YAE1: variants seen among roughly 807,000 people sequenced by gnomAD.
YAE1 encodes YAE1 maturation factor of ABCE1.
YAE1 carries 22 observed loss-of-function variants against 23.0 expected under a neutral mutation model. That is an observed-to-expected ratio of 0.96 (90% CI 0.68 to 1.37). The LOEUF is 1.37. Among genes scored for constraint, YAE1 ranks in the 40% most tolerant of loss-of-function variants. YAE1 has a pLI of 0.00. For synonymous variants in YAE1, 101 were observed against 97.0 expected (o/e 1.04, Z -0.24); for missense variants, 260 against 262.1 (o/e 0.99, Z 0.06).
At chr7:39,588,515 A>G (rs1306795702) in intron 2 of YAE1, among the ~76,000 whole-genome samples, 1 of 151,862 alleles carries the variant, frequency 6.6e-6, no homozygotes, top group East Asian at 1.9e-4. Context: ...AAAAAAAAAA[A>G]AAAGAATAAC....
chr7:39,597,671 G>A lies in YAE1; in HGVS notation c.252-11946G>A, dbSNP rs145089890. On this transcript the variant is annotated intron_variant, in intron 2 of 2. Coordinates refer to the YAE1 transcript ENST00000432096. The stretch of plus-strand genomic sequence containing the variant: ...GTTAGCAGCAGGGCCGAGAAGCTGG[G>A]TTTTTAATAGTAGCGGTAGTGGTGG... Among the ~76,000 whole-genome samples the A allele has an allele frequency of 3.0e-3, 451 of 152,300 alleles. 6 individuals carry two copies. The highest frequency in any genetic ancestry group is 0.01 in the African/African-American group (431 of 41,554).
chr7:39,581,727 CG>C (rs200683796), intron 2 of YAE1, among the ~76,000 whole-genome samples: 3,910 of 151,780 alleles, frequency 0.026, 87 homozygotes, highest in Middle Eastern at 0.066. Context: ...CAAAATCAAC[CG>C]GGCATGGTAG....
chr7:39,584,852 C>T (rs1790793006), intron 2 of YAE1, among the ~76,000 whole-genome samples: 1 of 151,994 alleles, frequency 6.6e-6, no homozygotes, highest in Non-Finnish European at 1.5e-5. Context: ...GACCCCATCT[C>T]AACAACAACA....
intron 1 of YAE1, among the ~76,000 whole-genome samples, chr7:39,567,682 G>T (rs929684367): frequency 1.3e-5 from 2 of 151,936 alleles, no homozygotes; most frequent in East Asian, 1.9e-4. Context: ...TTTTTCTAAG[G>T]CATCACAGGT....
At chr7:39,598,171 A>G (rs1204884623) in intron 2 of YAE1, among the ~76,000 whole-genome samples, 2 of 151,838 alleles carry the variant, frequency 1.3e-5, no homozygotes, top group African/African-American at 2.4e-5. Context: ...GTACAGTGGC[A>G]CGATCTTAGC....
chr7:39,592,412 T>C (rs915008999), intron 2 of YAE1, among the ~76,000 whole-genome samples: 1 of 152,216 alleles, frequency 6.6e-6, no homozygotes, highest in South Asian at 2.1e-4. Flanking sequence ...TTTTGCTATA[T>C]GTAAAATGTG....
downstream of YAE1, among the ~76,000 whole-genome samples, chr7:39,610,768 T>C (rs10486797): frequency 9.7e-3 from 1,479 of 152,348 alleles, 40 homozygotes; most frequent in Admixed American, 0.06. Flanking sequence ...TTTGTGACTA[T>C]ATAAATTGTA....
chr7:39,580,382 T>G (rs566814664), intron 2 of YAE1, among the ~76,000 whole-genome samples: 1 of 152,372 alleles, frequency 6.6e-6, no homozygotes, highest in South Asian at 2.1e-4. Context: ...CCAAGAGTCC[T>G]CAGTGTGTAA....
At chr7:39,600,677 G>A (rs1303858109) in intron 2 of YAE1, among the ~76,000 whole-genome samples, 1 of 152,212 alleles carries the variant, frequency 6.6e-6, no homozygotes, top group Non-Finnish European at 1.5e-5. Context: ...GATTACAGGT[G>A]TGAGCCACCG....
chr7:39,588,391 A>T (rs1219419444), intron 2 of YAE1, among the ~76,000 whole-genome samples: 1 of 152,014 alleles, frequency 6.6e-6, no homozygotes, highest in Non-Finnish European at 1.5e-5. Context: ...GTGTGCCTGT[A>T]ATCCCAGCTA....
intron 2 of YAE1, among the ~76,000 whole-genome samples, chr7:39,599,532 G>A (rs556745730): frequency 9.2e-5 from 14 of 151,804 alleles, no homozygotes; most frequent in African/African-American, 2.9e-4. Flanking sequence ...GTGCCACCAC[G>A]CCTGGCCAGT....
At chr7:39,601,117 A>T (rs185460299) in intron 2 of YAE1, among the ~76,000 whole-genome samples, 6 of 152,332 alleles carry the variant, frequency 3.9e-5, no homozygotes, top group Non-Finnish European at 7.4e-5. Context: ...TTCAAACCAA[A>T]CAAAAGCAAG....
chr7:39,598,784 C>CAAAAAAAAA (rs60563799), intron 2 of YAE1, among the ~76,000 whole-genome samples: 1 of 77,216 alleles, frequency 1.3e-5, no homozygotes. Flanking sequence ...GGTCCTGTCT[C>CAAAAAAAAA]AAAAAAAAAA....
intron 1 of YAE1, among the ~76,000 whole-genome samples, chr7:39,568,615 A>G (rs1790513714): frequency 6.6e-6 from 1 of 152,228 alleles, no homozygotes; most frequent in South Asian, 2.1e-4. Flanking sequence ...CTCTCAGTAA[A>G]CTTCAGTTTG....
chr7:39,590,025 G>A lies in YAE1; in HGVS notation c.251+19398G>A, dbSNP rs1393347800. 2.0e-5 allele frequency among the ~76,000 whole-genome samples: 3 copies of A among 152,198 alleles called. 1 individual carries two copies. Among genetic ancestry groups the A allele is most frequent in the South Asian group, 4.1e-4 (2 of 4,828 alleles). On this transcript the variant is annotated intron_variant, in intron 2 of 2. Coordinates refer to the YAE1 transcript ENST00000432096. The stretch of plus-strand genomic sequence containing the variant: ...ATATGTACGTGTTATGGTTTACAGT[G>A]TGTGATTGCAGAAATAGCAAAATAC...
At chr7:39,590,130 C>T (rs905959231) in intron 2 of YAE1, among the ~76,000 whole-genome samples, 4 of 152,076 alleles carry the variant, frequency 2.6e-5, no homozygotes, top group African/African-American at 7.2e-5. Context: ...TAAGTCATTA[C>T]TGAATGCATG....
chr7:39,605,409 A>C (rs1035891131), intron 2 of YAE1, among the ~76,000 whole-genome samples: 2 of 152,242 alleles, frequency 1.3e-5, no homozygotes, highest in Admixed American at 1.3e-4. Flanking sequence ...CCTATCTACT[A>C]TGGGTAGCCC....
downstream of YAE1, among the ~76,000 whole-genome samples, chr7:39,576,864 C>A (rs896279227): frequency 7.9e-5 from 12 of 152,248 alleles, no homozygotes; most frequent in African/African-American, 2.9e-4. Flanking sequence ...TTCCAAAATA[C>A]ATCGTGTTAC....
chr7:39,605,228 A>G (rs1441078557), intron 2 of YAE1, among the ~76,000 whole-genome samples: 3 of 152,136 alleles, frequency 2.0e-5, no homozygotes, highest in African/African-American at 4.8e-5. Context: ...GCAACCTACT[A>G]TGAGGTAGGT....
Sources: gnomAD v4.1 joint callset for allele counts (sites outside exome capture counted in the v4.1 genomes callset) on GRCh38, gnomAD v4.1.1 for gene constraint, MANE v1.5 for transcripts, NCBI Gene and HGNC (gene_info 2026-07-23, HGNC 2026-07-21) for gene names.